Variants in INVS observed in about 807,000 individuals in gnomAD.
INVS encodes inversin, also known as inversion of embryo turning homolog.
A neutral mutation model predicts 108.8 loss-of-function variants in INVS; 86 were observed. That is an observed-to-expected ratio of 0.79 (90% CI 0.66 to 0.95). The LOEUF (loss-of-function observed/expected upper bound fraction) is 0.95, where lower values mean the gene tolerates loss of function less well. Among genes scored for constraint, INVS ranks in the 40% least tolerant of loss-of-function variants. INVS has a pLI of 0.00. For synonymous variants in INVS, 455 were observed against 473.5 expected, an observed-to-expected ratio of 0.96 and a Z score of 0.51; for missense variants, 1,169 against 1,297.4, an observed-to-expected ratio of 0.90 and a Z score of 1.52.
chr9:100,228,940 T>C (rs1831424414), intron 4 of INVS, among the ~76,000 whole-genome samples: 1 of 152,226 alleles, frequency 6.6e-6, no homozygotes, highest in African/African-American at 2.4e-5. Flanking sequence ...TAGGAACACA[T>C]TTCTGTTCAT....
At chr9:100,273,661 C>T (rs1833029280) in intron 12 of INVS, among the ~76,000 whole-genome samples, 1 of 151,304 alleles carries the variant, frequency 6.6e-6, no homozygotes, top group Admixed American at 6.6e-5. Flanking sequence ...CCTTGGCCTC[C>T]CGAGTAGCTG....
intron 10 of INVS, among the ~76,000 whole-genome samples, chr9:100,253,415 CTTTTT>C (rs58891678): frequency 5.4e-4 from 80 of 148,960 alleles, no homozygotes; most frequent in African/African-American, 1.9e-3. Flanking sequence ...ATATGATTTT[CTTTTT>C]TTTTTTAATT....
At chr9:100,138,857 C>T (rs962940218) in intron 3 of INVS, among the ~76,000 whole-genome samples, 2 of 151,656 alleles carry the variant, frequency 1.3e-5, no homozygotes, top group Middle Eastern at 3.4e-3. Context: ...CAGGGGCCTG[C>T]CACCACGCCT....
At chr9:100,181,279 C>T (rs1829880060) in intron 3 of INVS, among the ~76,000 whole-genome samples, 1 of 152,046 alleles carries the variant, frequency 6.6e-6, no homozygotes, top group Non-Finnish European at 1.5e-5. Context: ...GGCAATCAGG[C>T]AAAAGAAAGA....
chr9:100,132,068 A>G (rs766643412), intron 3 of INVS: 3 of 163,712 alleles, frequency 1.8e-5, no homozygotes, highest in Non-Finnish European at 2.5e-5. Flanking sequence ...TAGCTCTACC[A>G]TAACTCATCA....
At chr9:100,172,275 T>C (rs1829565535) in intron 3 of INVS, among the ~76,000 whole-genome samples, 1 of 152,148 alleles carries the variant, frequency 6.6e-6, no homozygotes, top group Non-Finnish European at 1.5e-5. Flanking sequence ...TATGAGCTTC[T>C]AGAATACAGA....
chr9:100,142,516 CAG>C (rs1828465505), intron 3 of INVS, among the ~76,000 whole-genome samples: 1 of 152,018 alleles, frequency 6.6e-6, no homozygotes, highest in African/African-American at 2.4e-5. Context: ...TCAGGTGGAT[CAG>C]AGAGATACAG....
In INVS at chr9:100,288,066, G is replaced by T. The variant is rs180972740; in HGVS notation, c.2068+3463G>T. Among the ~76,000 whole-genome samples the T allele has an allele frequency of 3.9e-4, 60 of 152,282 alleles. No individual in the cohort carries two copies. The East Asian group carries it at 0.011, about 28-fold the overall frequency. ...GACAAAAGAGGGTGGAATAGGAGGC[G>T]TATAGCAGCCATTAGTCCGTAGCAA... is the stretch of plus-strand genomic sequence containing the variant. On this transcript the variant is annotated intron_variant, in intron 13 of 16. Coordinates refer to ENST00000262457, the MANE Select transcript of INVS (RefSeq NM_014425.5).
At chr9:100,155,677 CT>C (rs980154697) in intron 3 of INVS, among the ~76,000 whole-genome samples, 2 of 152,156 alleles carry the variant, frequency 1.3e-5, no homozygotes, top group Non-Finnish European at 2.9e-5. Flanking sequence ...CTCTGCAGTC[CT>C]GGTAGGAAAC....
At chr9:100,252,190 G>A (rs963359158) in intron 8 of INVS, 93 bp from the exon 9 acceptor site, 29 of 1,367,060 alleles carry the variant, frequency 2.1e-5, no homozygotes, top group Non-Finnish European at 2.8e-5. Flanking sequence ...TATTCAAAAT[G>A]ATGGGGAAAT....
chr9:100,104,101 T>C (rs1051706600), intron 1 of INVS, among the ~76,000 whole-genome samples: 3 of 152,128 alleles, frequency 2.0e-5, no homozygotes, highest in African/African-American at 7.2e-5. Flanking sequence ...CCTCAGATAG[T>C]CCCTAAGAAG....
intron 2 of INVS, among the ~76,000 whole-genome samples, chr9:100,119,761 A>G (rs1827666996): frequency 1.3e-5 from 2 of 152,128 alleles, no homozygotes; most frequent in African/African-American, 4.8e-5. Flanking sequence ...GGGTTTCACC[A>G]TGTTAGCCAG....
At chr9:100,156,257 C>A (rs1224782669) in intron 3 of INVS, among the ~76,000 whole-genome samples, 1 of 124,718 alleles carries the variant, frequency 8.0e-6, no homozygotes, top group African/African-American at 3.2e-5. Flanking sequence ...GTTAGGAATA[C>A]TTTTTTTTTT....
chr9:100,183,353 T>C (rs1829954212), intron 3 of INVS, among the ~76,000 whole-genome samples: 1 of 152,190 alleles, frequency 6.6e-6, no homozygotes, highest in Non-Finnish European at 1.5e-5. Flanking sequence ...AATAGGCACA[T>C]GCAGACAGTA....
intron 12 of INVS, among the ~76,000 whole-genome samples, chr9:100,280,923 A>C (rs1402158668): frequency 1.3e-5 from 2 of 152,190 alleles, no homozygotes; most frequent in African/African-American, 4.8e-5. Context: ...CCTTGTCTCT[A>C]CAAAAATTTT....
chr9:100,212,960 G>A (rs1393965672), intron 3 of INVS, among the ~76,000 whole-genome samples: 1 of 152,120 alleles, frequency 6.6e-6, no homozygotes, highest in African/African-American at 2.4e-5. Context: ...CTGGAGGCTG[G>A]AGAGTCCAAG....
intron 3 of INVS, among the ~76,000 whole-genome samples, chr9:100,178,269 A>G (rs367636264): frequency 6.6e-6 from 1 of 152,186 alleles, no homozygotes; most frequent in East Asian, 1.9e-4. Context: ...AAAACTGGAC[A>G]GAGAATGAGT....
chr9:100,186,463 C>G (rs1354159176), intron 3 of INVS, among the ~76,000 whole-genome samples: 1 of 152,080 alleles, frequency 6.6e-6, no homozygotes, highest in Non-Finnish European at 1.5e-5. Flanking sequence ...CCAGGTTGTA[C>G]TAATTTACAT....
intron 3 of INVS, among the ~76,000 whole-genome samples, chr9:100,211,698 A>G (rs1306618314): frequency 6.6e-6 from 1 of 152,182 alleles, no homozygotes; most frequent in African/African-American, 2.4e-5. Context: ...CCTTTCCCTC[A>G]GTCAAATCCT....
Sources: allele counts gnomAD v4.1 joint callset (sites outside exome capture counted in the v4.1 genomes callset), GRCh38; gene constraint gnomAD v4.1.1; transcripts MANE v1.5; gene names NCBI Gene and HGNC (gene_info 2026-07-23, HGNC 2026-07-21).